C4orf51: variants seen among roughly 807,000 people sequenced by gnomAD.
C4orf51 encodes the protein uncharacterized protein C4orf51.
A neutral mutation model predicts 25.2 loss-of-function variants in C4orf51; 25 were observed. The observed-to-expected ratio is 0.99, with a 90% CI of 0.72 to 1.39. The LOEUF (loss-of-function observed/expected upper bound fraction) is 1.39. Among genes scored for constraint, C4orf51 ranks in the 40% most tolerant of loss-of-function variants. The probability of loss-of-function intolerance (pLI) is 0.00; values close to 1 mark genes in which losing one functional copy is unlikely to be tolerated. For missense variants in C4orf51, 252 were observed against 239.6 expected, an observed-to-expected ratio of 1.05 and a Z score of -0.34; for synonymous variants, 100 against 84.5, an observed-to-expected ratio of 1.18 and a Z score of -1.01.
intron 1 of C4orf51, among the ~76,000 whole-genome samples, chr4:145,747,275 A>G (rs2126803778): frequency 6.6e-6 from 1 of 152,130 alleles, no homozygotes; most frequent in South Asian, 2.1e-4. Flanking sequence ...TGTGTTCCAT[A>G]TCTTAGAGGA....
rs769857474 is a variant in C4orf51 at position 145,729,893 on chromosome 4, T to G, written c.429T>G (p.Cys143Trp). ...ACATTGGCTATCTCTTCACCCTAGG[T>G]GTGAGACCTAAAAAGCCAGCACAGG... ...FPTPPNYGKY[C>W]VRPKKPAQEA... Residue 143 changes from cysteine (C) to tryptophan (W), a missense_variant and splice_region_variant, in exon 5 of 6, where the codon TGT becomes TGG. By Grantham distance (215) the Cys-to-Trp change is radical (BLOSUM62 -2). Transcript: ENST00000438731. 1.9e-6 allele frequency: 3 copies of G among 1,613,440 alleles called. No individual in the cohort carries two copies. The highest frequency in any genetic ancestry group is 2.5e-6 in the Non-Finnish European group (3 of 1,179,410).
At chr4:145,725,221 G>GA (rs1411034381) in intron 2 of C4orf51, among the ~76,000 whole-genome samples, 2 of 151,612 alleles carry the variant, frequency 1.3e-5, no homozygotes, top group Non-Finnish European at 2.9e-5. Context: ...TAAATAAATA[G>GA]AAAAAAACCA....
chr4:145,789,046 GTAGTTCCTA>G, the C4orf51 span, among the ~76,000 whole-genome samples: 31 of 152,202 alleles, frequency 2.0e-4, no homozygotes, highest in Admixed American at 5.2e-4. Context: ...GATATAGGTG[GTAGTTCCTA>G]TAAAGACTTT....
chr4:145,779,429 A>G, the C4orf51 span: 1 of 1,614,114 alleles, frequency 6.2e-7, no homozygotes, highest in Non-Finnish European at 8.5e-7. Flanking sequence ...ACACTTTCCC[A>G]CACACGTCAC....
At chr4:145,789,321 G>A in the C4orf51 span, among the ~76,000 whole-genome samples, 3 of 152,136 alleles carry the variant, frequency 2.0e-5, no homozygotes, top group Non-Finnish European at 2.9e-5. Context: ...AAGACTTAAA[G>A]TGCATAAATA....
downstream of C4orf51, chr4:145,774,378 A>G (rs1211455244): frequency 4.0e-5 from 41 of 1,034,378 alleles, 1 homozygote; most frequent in Non-Finnish European, 5.1e-5. Context: ...GCCTTGGGAA[A>G]GTCCTTCCTT....
intron 2 of C4orf51, among the ~76,000 whole-genome samples, chr4:145,726,594 CG>C (rs1732073476): frequency 6.6e-6 from 1 of 151,994 alleles, no homozygotes; most frequent in Non-Finnish European, 1.5e-5. Context: ...TTTGTAGAGA[CG>C]GGGGTCTCCC....
At chr4:145,698,175 T>C (rs72952610) in intron 2 of C4orf51, among the ~76,000 whole-genome samples, 1,625 of 152,336 alleles carry the variant, frequency 0.011, 34 homozygotes, top group African/African-American at 0.037. Flanking sequence ...CAGTTTTTTT[T>C]CTGCTATTTA....
chr4:145,789,139 G>C, the C4orf51 span, among the ~76,000 whole-genome samples: 1 of 152,186 alleles, frequency 6.6e-6, no homozygotes, highest in East Asian at 1.9e-4. Context: ...GAAGATGAAA[G>C]CCATTGATAA....
At chr4:145,748,277 CT>C (rs532706110) in intron 1 of C4orf51, among the ~76,000 whole-genome samples, 1 of 151,958 alleles carries the variant, frequency 6.6e-6, no homozygotes, top group Non-Finnish European at 1.5e-5. Context: ...GATCACCTCT[CT>C]TTTTTTCTTA....
At chr4:145,769,756 A>G (rs1313512035) in intron 1 of C4orf51, among the ~76,000 whole-genome samples, 1 of 152,192 alleles carries the variant, frequency 6.6e-6, no homozygotes, top group Non-Finnish European at 1.5e-5. Flanking sequence ...GGTGAAGGAC[A>G]CCTGTGCACA....
In C4orf51 at chr4:145,765,184, G is replaced by A. The variant is rs755282916; in HGVS notation, n.167-5804G>A. ...TCGAACCCTGCAAGGACCGAAGCTG[G>A]GTATAGAGGTGCACAGGGCAGCGGG... On this transcript the variant is annotated intron_variant and non_coding_transcript_variant, in intron 1 of 1. Coordinates refer to the C4orf51 transcript ENST00000510096. This position sits in a 1 kb window ranked among gnomAD's most constrained non-coding sequence, Gnocchi z 4.7. 1 of 1,584,120 alleles carries A rather than the reference G, an allele frequency of 6.3e-7. No homozygotes were observed. The highest frequency in any genetic ancestry group is 8.6e-7 in the Non-Finnish European group (1 of 1,163,546).
chr4:145,719,907 C>T (rs1249496914), intron 2 of C4orf51, among the ~76,000 whole-genome samples: 1 of 152,128 alleles, frequency 6.6e-6, no homozygotes, highest in Non-Finnish European at 1.5e-5. Context: ...AGGTGACTTG[C>T]TGGTGGCTGT....
At chr4:145,711,666 C>A (rs1200280017) in intron 2 of C4orf51, among the ~76,000 whole-genome samples, 1 of 152,082 alleles carries the variant, frequency 6.6e-6, no homozygotes, top group Non-Finnish European at 1.5e-5. Context: ...TTTGAGTACA[C>A]AGATTCTTTC....
At chr4:145,691,852 G>A (rs1209354533) in intron 1 of C4orf51, among the ~76,000 whole-genome samples, 2 of 152,174 alleles carry the variant, frequency 1.3e-5, no homozygotes, top group African/African-American at 4.8e-5. Flanking sequence ...TTCAATATAA[G>A]CCTAAACTTC....
chr4:145,689,434 T>C (rs1729393192), intron 1 of C4orf51, among the ~76,000 whole-genome samples: 1 of 152,066 alleles, frequency 6.6e-6, no homozygotes, highest in Admixed American at 6.6e-5. Context: ...TGTGTATATA[T>C]ATGAATTTGT....
At chr4:145,723,363 A>G (rs1263677308) in intron 2 of C4orf51, among the ~76,000 whole-genome samples, 2 of 152,116 alleles carry the variant, frequency 1.3e-5, no homozygotes, top group African/African-American at 4.8e-5. Context: ...GTGTTCACGA[A>G]CCTTCATTTC....
chr4:145,706,532 T>C (rs550204607), intron 2 of C4orf51, among the ~76,000 whole-genome samples: 1 of 152,352 alleles, frequency 6.6e-6, no homozygotes, highest in East Asian at 1.9e-4. Flanking sequence ...GAAGGAGCTT[T>C]TATTGGCTTC....
chr4:145,725,628 C>A (rs1019722618), intron 2 of C4orf51, among the ~76,000 whole-genome samples: 11 of 151,776 alleles, frequency 7.2e-5, no homozygotes, highest in Admixed American at 5.3e-4. Flanking sequence ...ACTAAAACAG[C>A]TACAACATGG....
Sources: allele counts gnomAD v4.1 joint callset (sites outside exome capture counted in the v4.1 genomes callset), GRCh38; gene constraint gnomAD v4.1.1; non-coding constraint Gnocchi (gnomAD v3.1); transcripts MANE v1.5; gene names NCBI Gene and HGNC (gene_info 2026-07-23, HGNC 2026-07-21).